The following MAST4 variants were observed in gnomAD, a reference collection of about 807,000 sequenced individuals.
MAST4 encodes the protein microtubule-associated serine/threonine-protein kinase 4.
Under a neutral mutation model 162.7 loss-of-function variants are expected in MAST4, and 89 were observed. The ratio of observed to expected loss-of-function variants is 0.55; its 90% confidence interval spans 0.46 to 0.65. The LOEUF is 0.65. MAST4 is among the 30% of genes least tolerant of loss of function. The pLI is 0.00. For synonymous variants in MAST4, 1,479 were observed against 1,361.1 expected (o/e 1.09, Z -1.91); for missense variants, 3,153 against 3,374.0 (o/e 0.93, Z 1.62).
chr5:66,712,060 G>A (rs533008186), intron 1 of MAST4, among the ~76,000 whole-genome samples: 4 of 152,302 alleles, frequency 2.6e-5, no homozygotes, highest in African/African-American at 9.6e-5. Context: ...CCGTTCTACT[G>A]TTGATGGACT....
intron 4 of MAST4, among the ~76,000 whole-genome samples, chr5:67,025,190 C>T (rs1239995931): frequency 6.6e-6 from 1 of 151,798 alleles, no homozygotes; most frequent in Non-Finnish European, 1.5e-5. Flanking sequence ...ATAAAGGAAA[C>T]CAATTATAAT....
chr5:66,808,277 T>C (rs17214309), intron 3 of MAST4, among the ~76,000 whole-genome samples: 44,344 of 152,098 alleles, frequency 0.29, 6,885 homozygotes, highest in Non-Finnish European at 0.35. Flanking sequence ...TGCTGTCTCA[T>C]GAAGGAGGTG....
intron 4 of MAST4, among the ~76,000 whole-genome samples, chr5:66,977,943 A>C (rs73103932): frequency 6.6e-6 from 1 of 152,252 alleles, no homozygotes; most frequent in East Asian, 1.9e-4. Flanking sequence ...AGGCATTTTT[A>C]TTTTTATTCT....
rs929918465 is a variant in MAST4 at position 66,920,024 on chromosome 5, A to G, written c.674+20042A>G. Among the ~76,000 whole-genome samples the G allele has an allele frequency of 1.2e-4, 17 of 139,948 alleles. 1 individual carries two copies. The highest frequency in any genetic ancestry group is 1.7e-4 in the Non-Finnish European group (11 of 65,726). The allele number at this position is 139,948 out of a possible 152,430, so 91.8% of individuals were successfully genotyped here. A position where few individuals can be genotyped will look rare whatever the true frequency, so the allele number is the denominator to read the frequency against. Reference sequence around the variant, plus strand: ...TTTCTAATGAACAAGGATGCTTTTAATGATGTGTGGAAGTTGAGCAGATGA... The same window carrying G: ...TTTCTAATGAACAAGGATGCTTTTAGTGATGTGTGGAAGTTGAGCAGATGA... On this transcript the variant is annotated intron_variant, in intron 4 of 28. Coordinates refer to ENST00000403625, the MANE Select transcript of MAST4 (RefSeq NM_001164664.2).
chr5:66,817,044 C>T lies in MAST4; in HGVS notation c.642+28250C>T, dbSNP rs186366940. Reference sequence around the variant, plus strand: ...GTTATTCCCTTCCTCGGTGCTTCTGCCCCACCAGCACCTGGAGTATCTTGT... The same window carrying T: ...GTTATTCCCTTCCTCGGTGCTTCTGTCCCACCAGCACCTGGAGTATCTTGT... On this transcript the variant is annotated intron_variant, in intron 3 of 28. Transcript: ENST00000403625. Among the ~76,000 whole-genome samples, 3 of 152,316 alleles carry T rather than the reference C, an allele frequency of 2.0e-5. No homozygotes were observed. In the East Asian group the frequency reaches 5.8e-4, roughly 29 times the overall value.
At chr5:66,786,117 C>T (rs778018971) in intron 2 of MAST4, among the ~76,000 whole-genome samples, 7 of 152,180 alleles carry the variant, frequency 4.6e-5, no homozygotes, top group Non-Finnish European at 7.3e-5. Flanking sequence ...GATCCGCTCA[C>T]CTCGGCCTCC....
At chr5:66,770,172 A>G (rs1349526776) in intron 2 of MAST4, among the ~76,000 whole-genome samples, 1 of 152,222 alleles carries the variant, frequency 6.6e-6, no homozygotes, top group African/African-American at 2.4e-5. Context: ...GTGACAATGC[A>G]TGGTTTTAAG....
Position 66,805,631 on chromosome 5 carries a change from G to C in MAST4, c.642+16837G>C, listed in dbSNP as rs187035801. ...TAGTTTTGTCAGTTTTCCTTGTTCA[G>C]CTCCTAGCCTGGGCACTGCAGTGTT... On this transcript the variant is annotated intron_variant, in intron 3 of 28. Transcript: ENST00000403625. 4.6e-5 allele frequency among the ~76,000 whole-genome samples: 7 copies of C among 152,312 alleles called. No homozygotes were observed. In the East Asian group the frequency reaches 1.3e-3, roughly 29 times the overall value.
intron 4 of MAST4, chr5:66,917,055 C>G (rs1764161638): frequency 1.4e-6 from 1 of 717,376 alleles, no homozygotes; most frequent in East Asian, 2.7e-5. Flanking sequence ...TATCACTTTA[C>G]CCAAAAGAAT....
At chr5:66,747,703 A>G (rs1395855442) in intron 1 of MAST4, among the ~76,000 whole-genome samples, 1 of 152,228 alleles carries the variant, frequency 6.6e-6, no homozygotes, top group Non-Finnish European at 1.5e-5. Context: ...GAAGAGAGAC[A>G]AAAAGGAAAG....
chr5:66,646,218 G>A lies in MAST4; in HGVS notation c.363+49200G>A, dbSNP rs147896728. ...AGATATCAGGATTAGATAATATTTT[G>A]GTTATTAATCATTATTAATGGATAT... On this transcript the variant is annotated intron_variant, in intron 1 of 28. Transcript: ENST00000403625. 6.3e-3 allele frequency among the ~76,000 whole-genome samples: 949 copies of A among 151,712 alleles called. 1 individual carries two copies. The highest frequency in any genetic ancestry group is 0.014 in the South Asian group (66 of 4,798).
At chr5:66,896,251 G>T (rs150051035) in intron 3 of MAST4, among the ~76,000 whole-genome samples, 1 of 152,192 alleles carries the variant, frequency 6.6e-6, no homozygotes, top group East Asian at 1.9e-4. Flanking sequence ...TTCACGATTA[G>T]ACTGGGGTTC....
intron 5 of MAST4, among the ~76,000 whole-genome samples, chr5:67,067,208 A>G (rs538154969): frequency 3.9e-5 from 6 of 152,342 alleles, no homozygotes; most frequent in Admixed American, 3.3e-4. Context: ...CTGACAATTA[A>G]TGATATGCTA....
chr5:66,663,430 A>G (rs1041824924), intron 1 of MAST4, among the ~76,000 whole-genome samples: 1 of 152,228 alleles, frequency 6.6e-6, no homozygotes, highest in Non-Finnish European at 1.5e-5. Context: ...GGAGAAAAAT[A>G]AAGCAGGTTA....
At chr5:66,669,108 G>A (rs1747449790) in intron 1 of MAST4, among the ~76,000 whole-genome samples, 1 of 152,162 alleles carries the variant, frequency 6.6e-6, no homozygotes, top group African/African-American at 2.4e-5. Flanking sequence ...TCAGTTAGAG[G>A]AAAACTGTAA....
intron 4 of MAST4, among the ~76,000 whole-genome samples, chr5:66,942,770 C>T (rs1743506743): frequency 6.6e-6 from 1 of 152,142 alleles, no homozygotes; most frequent in Non-Finnish European, 1.5e-5. Context: ...GATAGTATAA[C>T]ATAAGGATTA....
At chr5:66,866,005 G>T (rs1382464597) in intron 3 of MAST4, among the ~76,000 whole-genome samples, 2 of 150,726 alleles carry the variant, frequency 1.3e-5, no homozygotes, top group Non-Finnish European at 2.9e-5. Context: ...AACCCTGGGG[G>T]TGGAGGTTGC....
chr5:66,807,358 C>T (rs1035241074), intron 3 of MAST4, among the ~76,000 whole-genome samples: 13 of 152,140 alleles, frequency 8.5e-5, no homozygotes, highest in East Asian at 3.9e-4. Flanking sequence ...TAGCCGGGCG[C>T]GGTGGCGGGC....
At position 66,995,888 on chromosome 5, in the gene MAST4, T is replaced by TACAC. The variant is rs34561453; in HGVS notation, c.675-58494_675-58491dup. Among the ~76,000 whole-genome samples the TACAC allele has an allele frequency of 3.4e-3, 497 of 147,306 alleles. 1 individual carries two copies. The highest frequency in any genetic ancestry group is 0.021 in the East Asian group (106 of 4,948). ...GATGCTCTCTCAAAACACACTCACA[T>TACAC]ACACACACACACACACACACACACA... On this transcript the variant is annotated intron_variant, in intron 4 of 28. Coordinates refer to ENST00000403625, the MANE Select transcript of MAST4 (RefSeq NM_001164664.2).
Sources: gnomAD v4.1 joint callset for allele counts (sites outside exome capture counted in the v4.1 genomes callset) on GRCh38, gnomAD v4.1.1 for gene constraint, MANE v1.5 for transcripts, NCBI Gene and HGNC (gene_info 2026-07-23, HGNC 2026-07-21) for gene names.